The following DOCK7 variants were observed in gnomAD, a reference collection of about 807,000 sequenced individuals.
DOCK7 encodes dedicator of cytokinesis 7, also known as dedicator of cytokinesis protein 7.
Under a neutral mutation model 271.0 loss-of-function variants are expected in DOCK7, and 138 were observed. The ratio of observed to expected loss-of-function variants is 0.51; its 90% CI spans 0.44 to 0.59. The LOEUF (loss-of-function observed/expected upper bound fraction) is 0.59. Among genes scored for constraint, DOCK7 ranks in the 20% least tolerant of loss-of-function variants. DOCK7 has a pLI of 0.00. For missense variants in DOCK7, 2,066 were observed against 2,592.4 expected, an observed-to-expected ratio of 0.80 and a Z score of 4.41; for synonymous variants, 823 against 876.1, an observed-to-expected ratio of 0.94 and a Z score of 1.07.
chr1:62,621,452 GT>G (rs1653228439), intron 12 of DOCK7, among the ~76,000 whole-genome samples: 2 of 151,796 alleles, frequency 1.3e-5, no homozygotes, highest in Non-Finnish European at 2.9e-5. Context: ...AGATTTTATT[GT>G]TTTATGCATA....
In DOCK7 at chr1:62,475,803, C is replaced by T; in HGVS notation, c.5865G>A (p.Gly1955=). 6.2e-7 allele frequency: 1 copy of T among 1,613,998 alleles called. No homozygotes were observed. Among genetic ancestry groups the T allele is most frequent in the African/African-American group, 1.3e-5 (1 of 75,026 alleles). ...TPFTLDGRAH[G]ELHEQFKRKT... ...TCCTTTTGAATTGTTCATGAAGTTC[C>T]CCATGGGCACGGCCATCTAAAGTAA... is the stretch of plus-strand genomic sequence containing the variant. The change falls in exon 46 of 50, where the codon GGG becomes GGA. Residue 1955 remains glycine (G), a synonymous_variant. Transcript: ENST00000635253.
At chr1:62,539,994 T>C (rs1200763392) in intron 25 of DOCK7, 102 bp from the exon 26 acceptor site, 3 of 714,858 alleles carry the variant, frequency 4.2e-6, no homozygotes, top group Non-Finnish European at 4.2e-6. Flanking sequence ...TGTAATTTAA[T>C]AGATGACTGA....
rs1345976104 is a variant in DOCK7 at position 62,529,462 on chromosome 1, A to G, written c.3612-16T>C. 1 of 1,586,484 alleles carries G rather than the reference A, an allele frequency of 6.3e-7. No individual in the cohort carries two copies. The highest frequency in any genetic ancestry group is 2.3e-5 in the East Asian group (1 of 44,346). ...TCCAAACAGTCTATTTAAAAAGAAG[A>G]AGACAAAGAAGAAAAAGCAGTAAGG... On this transcript the variant is annotated splice_polypyrimidine_tract_variant and intron_variant, in intron 29 of 49. Transcript: ENST00000635253.
chr1:62,578,892 G>GAT lies in DOCK7; in HGVS notation c.1945_1946insAT (p.Thr649AsnfsTer33). 1 of 1,605,672 alleles carries GAT rather than the reference G, an allele frequency of 6.2e-7. No individual in the cohort carries two copies. Among genetic ancestry groups the GAT allele is most frequent in the Non-Finnish European group, 8.5e-7 (1 of 1,176,886 alleles). ...TTGTTGACAACTAACATGATAAAAA[G>GAT]TAAAAAGCAAGTGATGATGGTCAGT... On this transcript the variant is annotated frameshift_variant, in exon 17 of 50. Transcript: ENST00000635253. LOFTEE classifies it high-confidence loss of function.
chr1:62,678,085 G>A (rs1185888935), intron 1 of DOCK7, among the ~76,000 whole-genome samples: 3 of 152,122 alleles, frequency 2.0e-5, no homozygotes, highest in Middle Eastern at 3.2e-3. Context: ...CTATGATGAC[G>A]CCATTGTGCT....
intron 18 of DOCK7, among the ~76,000 whole-genome samples, chr1:62,576,792 TATCTCATGTATTACA>T (rs1234820467): frequency 6.6e-6 from 1 of 152,226 alleles, no homozygotes; most frequent in Admixed American, 6.5e-5. Flanking sequence ...AAGTTGCCAA[TATCTCATGTATTACA>T]GGTTCACAGC....
chr1:62,665,376 C>G (rs553462514), intron 1 of DOCK7, among the ~76,000 whole-genome samples: 1 of 151,970 alleles, frequency 6.6e-6, no homozygotes, highest in Non-Finnish European at 1.5e-5. Context: ...ATCCTCTCAT[C>G]GAAGCTGAGA....
chr1:62,472,351 C>CAG (rs1038555559), intron 48 of DOCK7, among the ~76,000 whole-genome samples: 7 of 152,206 alleles, frequency 4.6e-5, no homozygotes, highest in Admixed American at 3.9e-4. Flanking sequence ...GTGATCCACC[C>CAG]GCCTCGGCCT....
intron 18 of DOCK7, among the ~76,000 whole-genome samples, chr1:62,563,863 CAAAAAAAAAAAAAAAAAAAAAAAA>C (rs71045848): frequency 3.9e-4 from 15 of 38,842 alleles, no homozygotes; most frequent in Admixed American, 1.9e-3. Context: ...ATTTACCAAG[CAAAAAAAAAAAAAAAAAAAAAAAA>C]AAAAAAAAAA....
chr1:62,684,815 T>C (rs1051531544), intron 1 of DOCK7, among the ~76,000 whole-genome samples: 5 of 152,168 alleles, frequency 3.3e-5, no homozygotes, highest in African/African-American at 9.7e-5. Context: ...AAGTAAACAG[T>C]ATAATTAGTG....
chr1:62,625,248 C>G lies in DOCK7; in HGVS notation c.1425+11G>C, dbSNP rs1200122501. ...ACATCTCCCCAAAATTCCTACATGA[C>G]AGAACAATACCTGCTTAAAAAAATT... On this transcript the variant is annotated intron_variant, in intron 12 of 49. Transcript: ENST00000635253. The G allele has an allele frequency of 3.7e-6, 6 of 1,612,402 alleles. No homozygotes were observed. The highest frequency in any genetic ancestry group is 4.2e-6 in the Non-Finnish European group (5 of 1,179,366).
rs981604776 is a variant in DOCK7, at chr1:62,579,864, T to G, written c.1872-898A>C. The stretch of plus-strand genomic sequence containing the variant: ...GTAAAATCAGGAAACGCCCACAAAC[T>G]GCATTTGCCTCAGTTTAGAAGCGCT... On this transcript the variant is annotated intron_variant, in intron 16 of 49. Coordinates refer to ENST00000635253, the MANE Select transcript of DOCK7 (RefSeq NM_001367561.1). Among the ~76,000 whole-genome samples the G allele has an allele frequency of 2.6e-5, 4 of 152,048 alleles. No individual in the cohort carries two copies. The South Asian group carries it at 8.3e-4, about 32-fold the overall frequency.
At chr1:62,589,359 G>C (rs193287468) in intron 14 of DOCK7, among the ~76,000 whole-genome samples, 4 of 152,138 alleles carry the variant, frequency 2.6e-5, no homozygotes, top group African/African-American at 9.6e-5. Context: ...TCTTATGGAT[G>C]ATTAACTTGT....
At chr1:62,469,002 C>G (rs1341378488) in intron 48 of DOCK7, among the ~76,000 whole-genome samples, 1 of 152,102 alleles carries the variant, frequency 6.6e-6, no homozygotes, top group Non-Finnish European at 1.5e-5. Context: ...CTGCCAAAAG[C>G]AATCTACAAA....
chr1:62,633,559 T>C lies in DOCK7; in HGVS notation c.1055A>G (p.Gln352Arg). 3 of 1,613,140 alleles carry C rather than the reference T, an allele frequency of 1.9e-6. No individual in the cohort carries two copies. Among genetic ancestry groups the C allele is most frequent in the Non-Finnish European group, 2.5e-6 (3 of 1,179,550 alleles). Residue 352 changes from glutamine (Q) to arginine (R), a missense_variant, in exon 10 of 50, where the codon CAA becomes CGA. By Grantham distance (43) the Gln-to-Arg change is conservative. Coordinates refer to ENST00000635253, the MANE Select transcript of DOCK7 (RefSeq NM_001367561.1). ...LVIKLEKVLQ[Q>R]GDIGECAEPY... ...TTCTGCACACTCTCCAATGTCTCCT[T>C]GCTGTAGGACTTTTTCTAGCTGTCA...
At position 62,646,855 on chromosome 1, in the gene DOCK7, A is replaced by G. The variant is rs1316652263; in HGVS notation, c.818+836T>C. Among the ~76,000 whole-genome samples the G allele has an allele frequency of 3.3e-5, 5 of 152,224 alleles. No individual in the cohort carries two copies. In the East Asian group the frequency reaches 9.6e-4, roughly 29 times the overall value. On this transcript the variant is annotated intron_variant, in intron 7 of 49. Transcript: ENST00000635253. ...TGCAACTCTGTGAATACATACCACT[A>G]ACTTGTATACTTTAAAAGGGTTAAT...
intron 11 of DOCK7, among the ~76,000 whole-genome samples, 186 bp downstream of exon 11, chr1:62,631,054 G>A (rs1654565641): frequency 6.6e-6 from 1 of 151,774 alleles, no homozygotes; most frequent in Non-Finnish European, 1.5e-5. Flanking sequence ...GCGTGGTGGC[G>A]CACATCTGTA....
At chr1:62,524,951 A>ATT in intron 31 of DOCK7, among the ~76,000 whole-genome samples, 1 of 139,506 alleles carries the variant, frequency 7.2e-6, no homozygotes, top group Non-Finnish European at 1.5e-5. Flanking sequence ...ATATATATAT[A>ATT]TATATTACTA....
rs1557867822 is a variant in DOCK7, at chr1:62,656,277, A to C, written c.145-2118T>G. 2.0e-5 allele frequency among the ~76,000 whole-genome samples: 3 copies of C among 152,306 alleles called. 1 individual carries two copies. The South Asian group carries it at 6.2e-4, about 32-fold the overall frequency. Reference sequence around the variant, plus strand: ...CAGCAAAATGTCCTTACAATTTGGGAGTAGGCCAAGTTTTCTTACACATGA... The same window carrying C: ...CAGCAAAATGTCCTTACAATTTGGGCGTAGGCCAAGTTTTCTTACACATGA... On this transcript the variant is annotated intron_variant, in intron 2 of 49. Transcript: ENST00000635253.
Sources: allele counts gnomAD v4.1 joint callset (sites outside exome capture counted in the v4.1 genomes callset), GRCh38; gene constraint gnomAD v4.1.1; transcripts MANE v1.5; gene names NCBI Gene and HGNC (gene_info 2026-07-23, HGNC 2026-07-21).